Variants in PRKN observed in about 807,000 individuals in gnomAD.
PRKN encodes the protein parkin RBR E3 ubiquitin protein ligase, also known as E3 ubiquitin-protein ligase parkin.
A neutral mutation model predicts 59.5 loss-of-function variants in PRKN; 56 were observed. The observed-to-expected ratio is 0.94, with a 90% confidence interval of 0.76 to 1.18. The LOEUF (loss-of-function observed/expected upper bound fraction) is 1.18, where lower values mean the gene tolerates loss of function less well. Among genes scored for constraint, PRKN ranks in the 50% most tolerant of loss-of-function variants. The pLI is 0.00. For missense variants in PRKN, 657 were observed against 596.4 expected (o/e 1.10, Z -1.06); for synonymous variants, 250 against 222.1 (o/e 1.13, Z -1.12).
intron 7 of PRKN, among the ~76,000 whole-genome samples, chr6:161,677,458 C>G (rs1785130004): frequency 6.6e-6 from 1 of 152,160 alleles, no homozygotes; most frequent in Non-Finnish European, 1.5e-5. Context: ...GCCATGCAGC[C>G]CAAGGTAAAC....
chr6:161,523,303 C>T (rs907981932), intron 9 of PRKN, among the ~76,000 whole-genome samples: 3 of 152,154 alleles, frequency 2.0e-5, no homozygotes, highest in East Asian at 1.9e-4. Flanking sequence ...TCTACTGATA[C>T]ATCAGTTTAT....
At chr6:162,289,658 G>A (rs940158069) in intron 2 of PRKN, among the ~76,000 whole-genome samples, 5 of 149,456 alleles carry the variant, frequency 3.3e-5, no homozygotes, top group Non-Finnish European at 7.4e-5. Flanking sequence ...GATAACTCTA[G>A]CCTCAGCCAA....
At chr6:162,602,239 G>A (rs886864877) in intron 1 of PRKN, among the ~76,000 whole-genome samples, 7 of 152,206 alleles carry the variant, frequency 4.6e-5, no homozygotes, top group African/African-American at 7.2e-5. Context: ...ATGAGGTGGC[G>A]TTGAGAGGGA....
chr6:161,728,863 T>C (rs542470595), intron 7 of PRKN, among the ~76,000 whole-genome samples: 6 of 152,288 alleles, frequency 3.9e-5, no homozygotes, highest in South Asian at 2.1e-4. Flanking sequence ...TTTTGTATTA[T>C]AAAAATACAC....
At chr6:162,559,942 G>A (rs575583770) in intron 1 of PRKN, among the ~76,000 whole-genome samples, 1 of 152,284 alleles carries the variant, frequency 6.6e-6, no homozygotes, top group South Asian at 2.1e-4. Flanking sequence ...TGTGACCATG[G>A]CTAAATTCTC....
rs148579730 is a variant in PRKN at position 161,704,596 on chromosome 6, A to G, written c.871+81176T>C. 4.2e-3 allele frequency among the ~76,000 whole-genome samples: 644 copies of G among 152,292 alleles called. 7 individuals carry two copies. The highest frequency in any genetic ancestry group is 0.015 in the African/African-American group (616 of 41,556). ...TTTACAAACTGTCAAATATAAGCAG[A>G]AAATCTGCACACCCAGGTCCTCCGG... On this transcript the variant is annotated intron_variant, in intron 7 of 11. Transcript: ENST00000366898.
At chr6:161,504,215 A>G (rs987176054) in intron 9 of PRKN, among the ~76,000 whole-genome samples, 2 of 152,228 alleles carry the variant, frequency 1.3e-5, no homozygotes, top group Non-Finnish European at 2.9e-5. Context: ...CCGAACCACA[A>G]GAAATCTAAT....
chr6:161,975,264 A>C (rs1016428115), intron 5 of PRKN, among the ~76,000 whole-genome samples: 4 of 151,738 alleles, frequency 2.6e-5, no homozygotes, highest in Admixed American at 6.6e-5. Context: ...TTTTCGTATT[A>C]GTAGAGACGG....
chr6:162,328,524 C>G (rs1347725759), intron 2 of PRKN, among the ~76,000 whole-genome samples: 2 of 152,126 alleles, frequency 1.3e-5, no homozygotes, highest in Non-Finnish European at 2.9e-5. Context: ...GAATAAGAAA[C>G]AGCTCCTTCC....
At chr6:162,445,569 G>C (rs1423098976) in intron 1 of PRKN, among the ~76,000 whole-genome samples, 1 of 151,552 alleles carries the variant, frequency 6.6e-6, no homozygotes, top group Non-Finnish European at 1.5e-5. Flanking sequence ...GCGTGCACTT[G>C]CAGTCCCAGC....
At chr6:161,729,506 A>G (rs1787586537) in intron 7 of PRKN, among the ~76,000 whole-genome samples, 1 of 152,202 alleles carries the variant, frequency 6.6e-6, no homozygotes, top group South Asian at 2.1e-4. Context: ...CAATTCAAAA[A>G]ATGTCTTCCA....
chr6:161,484,737 T>G lies in PRKN; in HGVS notation c.1083+64117A>C, dbSNP rs1583137053. On this transcript the variant is annotated intron_variant, in intron 9 of 11. Coordinates refer to ENST00000366898, the MANE Select transcript of PRKN (RefSeq NM_004562.3). The surrounding 1 kb of genome is among the most constrained non-coding windows in gnomAD (Gnocchi z 4.9). ...ACCATCCCTGCCTCTACCCGCTAGA[T>G]GCTAGAAGCATCCCCCTGTTGTGAT... is the stretch of plus-strand genomic sequence containing the variant. Among the ~76,000 whole-genome samples the G allele has an allele frequency of 6.6e-6, 1 of 152,182 alleles. No homozygotes were observed. Among genetic ancestry groups the G allele is most frequent in the Admixed American group, 6.5e-5 (1 of 15,274 alleles).
At chr6:161,862,160 C>A (rs62438260) in intron 6 of PRKN, among the ~76,000 whole-genome samples, 10,584 of 152,176 alleles carry the variant, frequency 0.07, 381 homozygotes, top group African/African-American at 0.084. Flanking sequence ...TCTGCAAAGA[C>A]GCTTTTTCCA....
intron 5 of PRKN, among the ~76,000 whole-genome samples, chr6:162,030,641 G>T (rs575184349): frequency 1.8e-4 from 27 of 152,126 alleles, no homozygotes; most frequent in Non-Finnish European, 3.2e-4. Flanking sequence ...CTCAGAATTT[G>T]GGCAGAGGCT....
chr6:161,421,403 T>C (rs1210017312), intron 9 of PRKN, among the ~76,000 whole-genome samples: 1 of 152,216 alleles, frequency 6.6e-6, no homozygotes, highest in East Asian at 1.9e-4. Flanking sequence ...ATTTGGCAGT[T>C]AGGCCTGGAG....
intron 7 of PRKN, among the ~76,000 whole-genome samples, chr6:161,738,454 A>C (rs1268156855): frequency 6.6e-6 from 1 of 152,162 alleles, no homozygotes; most frequent in Non-Finnish European, 1.5e-5. Context: ...AAGTCACTGA[A>C]ATGGACCTAA....
At chr6:162,603,451 T>C (rs1044746083) in intron 1 of PRKN, among the ~76,000 whole-genome samples, 1 of 152,186 alleles carries the variant, frequency 6.6e-6, no homozygotes, top group Non-Finnish European at 1.5e-5. Flanking sequence ...GTCCCACCCG[T>C]TCATTTACAT....
intron 1 of PRKN, among the ~76,000 whole-genome samples, chr6:162,533,465 T>C (rs935292084): frequency 6.6e-6 from 1 of 151,900 alleles, no homozygotes; most frequent in Non-Finnish European, 1.5e-5. Flanking sequence ...GAGGTGGAGG[T>C]TGCAGTGAGC....
Position 161,369,655 on chromosome 6 carries a change from G to A in PRKN, c.1168-9450C>T, listed in dbSNP as rs942014669. 2.6e-5 allele frequency among the ~76,000 whole-genome samples: 4 copies of A among 152,128 alleles called. No individual in the cohort carries two copies. The highest frequency in any genetic ancestry group is 9.7e-5 in the African/African-American group (4 of 41,430). ...CCGTGGCAGGAGGAATTGCATGCAT[G>A]CATGTGTGTACGCACGCGTGGTGGA... On this transcript the variant is annotated intron_variant, in intron 10 of 11. Coordinates refer to ENST00000366898, the MANE Select transcript of PRKN (RefSeq NM_004562.3). The surrounding 1 kb of genome is among the most constrained non-coding windows in gnomAD (Gnocchi z 5.8).
Sources: allele counts gnomAD v4.1 joint callset (sites outside exome capture counted in the v4.1 genomes callset), GRCh38; gene constraint gnomAD v4.1.1; non-coding constraint Gnocchi (gnomAD v3.1); transcripts MANE v1.5; gene names NCBI Gene and HGNC (gene_info 2026-07-23, HGNC 2026-07-21).